The following SDCBP variants were observed in gnomAD, a reference collection of about 807,000 sequenced individuals.
SDCBP encodes the protein syndecan binding protein.
In SDCBP, 22 loss-of-function variants were observed where a neutral mutation model predicts 30.5. The ratio of observed to expected loss-of-function variants is 0.72; its 90% CI spans 0.52 to 1.03. SDCBP has a LOEUF of 1.03. SDCBP is among the 50% of genes least tolerant of loss of function. SDCBP has a pLI of 0.00. For synonymous variants in SDCBP, 103 were observed against 118.7 expected, an observed-to-expected ratio of 0.87 and a Z score of 0.86; for missense variants, 304 against 369.9, an observed-to-expected ratio of 0.82 and a Z score of 1.46.
intron 6 of SDCBP, among the ~76,000 whole-genome samples, chr8:58,579,300 TA>T (rs1805536644): frequency 6.6e-6 from 1 of 152,212 alleles, no homozygotes; most frequent in Non-Finnish European, 1.5e-5. Context: ...GTGATTTAGT[TA>T]AAAAGCCTAT....
At chr8:58,553,702 A>G (rs1479675478) in intron 1 of SDCBP, among the ~76,000 whole-genome samples, 1 of 152,230 alleles carries the variant, frequency 6.6e-6, no homozygotes, top group East Asian at 1.9e-4. Context: ...AGATCTCGAC[A>G]TAAGAAAGAG....
chr8:58,572,059 G>A, intron 3 of SDCBP, 146 bp from the exon 4 acceptor site: 1 of 572,120 alleles, frequency 1.7e-6, no homozygotes. Context: ...GAGATGGGGA[G>A]ATGCCTTTCC....
intron 2 of SDCBP, among the ~76,000 whole-genome samples, chr8:58,565,298 T>A (rs1804647309): frequency 6.6e-6 from 1 of 152,156 alleles, no homozygotes; most frequent in Non-Finnish European, 1.5e-5. Flanking sequence ...GGCATGAGAT[T>A]TTTTTAATTC....
chr8:58,560,535 G>C (rs1417047747), intron 1 of SDCBP: 1 of 152,400 alleles, frequency 6.6e-6, no homozygotes, highest in Non-Finnish European at 1.5e-5. Context: ...TGATGGGAAA[G>C]GGCACCAGGT....
intron 1 of SDCBP, among the ~76,000 whole-genome samples, chr8:58,555,864 T>A (rs1489886074): frequency 6.6e-6 from 1 of 151,946 alleles, no homozygotes; most frequent in Admixed American, 6.6e-5. Flanking sequence ...GCATGAGCCA[T>A]ACGGTTCCTG....
At chr8:58,559,093 A>G (rs1804300151) in intron 1 of SDCBP, among the ~76,000 whole-genome samples, 1 of 152,176 alleles carries the variant, frequency 6.6e-6, no homozygotes, top group South Asian at 2.1e-4. Flanking sequence ...AAAATTTTGA[A>G]AGTCCATTTT....
intron 2 of SDCBP, among the ~76,000 whole-genome samples, chr8:58,569,056 C>G (rs918014538): frequency 6.6e-6 from 1 of 151,320 alleles, no homozygotes; most frequent in African/African-American, 2.4e-5. Context: ...ATTTTTTTTT[C>G]CCCCAAAACG....
At chr8:58,577,864 T>A (rs1235008691) in intron 5 of SDCBP, 169 bp from the exon 6 acceptor site, 5 of 504,074 alleles carry the variant, frequency 9.9e-6, no homozygotes, top group Non-Finnish European at 1.4e-5. Context: ...TCAGTTTCTT[T>A]TGAGGTGATA....
intron 1 of SDCBP, chr8:58,561,081 A>G (rs1014060850): frequency 6.6e-6 from 1 of 152,202 alleles, no homozygotes; most frequent in African/African-American, 2.4e-5. Flanking sequence ...TGCTTCTTTG[A>G]CCAAATTGAA....
At position 58,575,951 on chromosome 8, in the gene SDCBP, G is replaced by T; in HGVS notation, c.292G>T (p.Gly98Cys). ...AAACTATATGGTGGCTCCTGTAACT[G>T]GTAATGATGTTGGAATTCGTAGAGC... ...SINYMVAPVT[G>C]NDVGIRRAEI... The change falls in exon 5 of 9, where the codon GGT (glycine) becomes TGT (cysteine). Residue 98 changes from glycine to cysteine, a missense_variant. By Grantham distance (159) the Gly-to-Cys change is radical (BLOSUM62 -3). Transcript: ENST00000260130. The T allele has an allele frequency of 6.2e-7, 1 of 1,613,352 alleles. No homozygotes were observed. Among genetic ancestry groups the T allele is most frequent in the Non-Finnish European group, 8.5e-7 (1 of 1,179,484 alleles).
chr8:58,557,419 AAT>A (rs1199361918), intron 1 of SDCBP, among the ~76,000 whole-genome samples: 5 of 141,752 alleles, frequency 3.5e-5, no homozygotes, highest in African/African-American at 7.7e-5. Context: ...AATGTAATAT[AAT>A]ATATATTATA....
At chr8:58,581,635 G>A (rs1358093425) in intron 8 of SDCBP, 51 bp from the exon 9 acceptor site, 1 of 1,448,722 alleles carries the variant, frequency 6.9e-7, no homozygotes, top group Non-Finnish European at 9.7e-7. Context: ...GTAGCATTTT[G>A]AAAAACAAAA....
At chr8:58,562,126 G>A (rs1440395326) in intron 1 of SDCBP, among the ~76,000 whole-genome samples, 9 of 148,420 alleles carry the variant, frequency 6.1e-5, no homozygotes, top group Non-Finnish European at 1.0e-4. Flanking sequence ...GGAAAGGAAG[G>A]ACAAAAAAGT....
At position 58,557,593 on chromosome 8, in the gene SDCBP, GA is replaced by G. The variant is rs977647922; in HGVS notation, c.-16+4291del. Among the ~76,000 whole-genome samples the G allele has an allele frequency of 1.5e-4, 22 of 151,260 alleles. 1 individual carries two copies. Among genetic ancestry groups the G allele is most frequent in the African/African-American group, 5.4e-4 (22 of 41,036 alleles). On this transcript the variant is annotated intron_variant, in intron 1 of 8. Transcript: ENST00000260130. The stretch of plus-strand genomic sequence containing the variant: ...AGATCTCTTAATAGAAACTATTTGT[GA>G]GTTACTTCTGAGGCCTGAGATACAT...
intron 1 of SDCBP, among the ~76,000 whole-genome samples, chr8:58,556,904 TATA>T (rs1011074372): frequency 7.9e-4 from 112 of 142,060 alleles, no homozygotes; most frequent in African/African-American, 2.6e-3. Flanking sequence ...TAATACGTAT[TATA>T]ATATATTCTA....
intron 1 of SDCBP, among the ~76,000 whole-genome samples, chr8:58,555,051 C>T (rs1342642011): frequency 6.6e-6 from 1 of 152,194 alleles, no homozygotes; most frequent in Admixed American, 6.5e-5. Flanking sequence ...GCTTTTAACA[C>T]AAACGTTAAC....
chr8:58,554,521 GTAAA>G (rs1039888753), intron 1 of SDCBP, among the ~76,000 whole-genome samples: 1 of 152,146 alleles, frequency 6.6e-6, no homozygotes, highest in African/African-American at 2.4e-5. Context: ...AAAATGGTCA[GTAAA>G]TAGTCACTCC....
chr8:58,556,516 T>C (rs1261476221), intron 1 of SDCBP, among the ~76,000 whole-genome samples: 1 of 152,138 alleles, frequency 6.6e-6, no homozygotes, highest in Non-Finnish European at 1.5e-5. Flanking sequence ...CAGTCACATG[T>C]CATTTTTAAG....
At chr8:58,553,684 C>T (rs1803941167) in intron 1 of SDCBP, among the ~76,000 whole-genome samples, 1 of 152,254 alleles carries the variant, frequency 6.6e-6, no homozygotes, top group Non-Finnish European at 1.5e-5. Context: ...CTTGTTTTCT[C>T]CTCGATAAGA....
Sources: gnomAD v4.1 joint callset for allele counts (sites outside exome capture counted in the v4.1 genomes callset) on GRCh38, gnomAD v4.1.1 for gene constraint, MANE v1.5 for transcripts, NCBI Gene and HGNC (gene_info 2026-07-23, HGNC 2026-07-21) for gene names.